IMMP2L: variants seen among roughly 807,000 people sequenced by gnomAD.
IMMP2L encodes the protein inner mitochondrial membrane peptidase subunit 2, also known as mitochondrial inner membrane protease subunit 2.
Under a neutral mutation model 19.3 loss-of-function variants are expected in IMMP2L, and 18 were observed. The ratio of observed to expected loss-of-function variants is 0.93; its 90% CI spans 0.64 to 1.38. The LOEUF is 1.38. Ranked by LOEUF, IMMP2L falls within the 40% of genes most tolerant of loss-of-function variation. IMMP2L has a pLI of 0.00. For synonymous variants in IMMP2L, 76 were observed against 73.0 expected, an observed-to-expected ratio of 1.04 and a Z score of -0.21; for missense variants, 233 against 218.2, an observed-to-expected ratio of 1.07 and a Z score of -0.43.
chr7:111,103,338 C>A (rs117388593), intron 3 of IMMP2L, among the ~76,000 whole-genome samples: 2,756 of 151,614 alleles, frequency 0.018, 32 homozygotes, highest in Middle Eastern at 0.041. Context: ...TGGATTTTTT[C>A]AAATATTTGC....
At chr7:111,192,122 A>C (rs1808949990) in intron 3 of IMMP2L, among the ~76,000 whole-genome samples, 2 of 152,086 alleles carry the variant, frequency 1.3e-5, no homozygotes, top group Non-Finnish European at 2.9e-5. Context: ...GGAAGAGAGA[A>C]TTTTCTCTCA....
intron 5 of IMMP2L, among the ~76,000 whole-genome samples, chr7:110,734,943 T>C (rs890915232): frequency 2.6e-5 from 4 of 152,162 alleles, no homozygotes; most frequent in African/African-American, 9.6e-5. Context: ...TGGCTAATAA[T>C]ATGTAAGCAG....
chr7:111,007,682 C>T (rs962509860), intron 3 of IMMP2L, among the ~76,000 whole-genome samples: 2 of 152,102 alleles, frequency 1.3e-5, no homozygotes, highest in Admixed American at 6.6e-5. Flanking sequence ...TGTATGTACA[C>T]ATATAGACAT....
intron 3 of IMMP2L, among the ~76,000 whole-genome samples, chr7:111,450,463 A>C (rs1347777043): frequency 6.6e-6 from 1 of 151,996 alleles, no homozygotes; most frequent in African/African-American, 2.4e-5. Context: ...TGGGGAAAGG[A>C]TTCCCTATTT....
intron 3 of IMMP2L, among the ~76,000 whole-genome samples, chr7:111,413,328 A>C (rs1178426803): frequency 6.6e-6 from 1 of 152,158 alleles, no homozygotes; most frequent in South Asian, 2.1e-4. Flanking sequence ...TAGAAAAGAA[A>C]AAAAGAAGAA....
At chr7:111,481,465 C>G (rs190330276) in intron 3 of IMMP2L, among the ~76,000 whole-genome samples, 5 of 152,222 alleles carry the variant, frequency 3.3e-5, no homozygotes, top group Non-Finnish European at 5.9e-5. Context: ...GTGTTCTCAT[C>G]TATAAAACCG....
At chr7:110,713,821 A>T (rs1416955250) in intron 5 of IMMP2L, among the ~76,000 whole-genome samples, 1 of 152,130 alleles carries the variant, frequency 6.6e-6, no homozygotes, top group Non-Finnish European at 1.5e-5. Context: ...GTCATTTATC[A>T]GTTCCAGGAG....
intron 5 of IMMP2L, among the ~76,000 whole-genome samples, chr7:110,884,569 T>A (rs1203350216): frequency 3.9e-5 from 6 of 151,954 alleles, no homozygotes; most frequent in Non-Finnish European, 8.8e-5. Context: ...CTCAAGAGGG[T>A]TAGCATAAAG....
chr7:111,549,093 A>T (rs1023458155), intron 1 of IMMP2L, among the ~76,000 whole-genome samples: 25 of 152,298 alleles, frequency 1.6e-4, no homozygotes, highest in African/African-American at 5.8e-4. Context: ...CAAAAAATAC[A>T]GTCATTTTTT....
chr7:111,310,033 A>C (rs904903375), intron 3 of IMMP2L, among the ~76,000 whole-genome samples: 2 of 151,992 alleles, frequency 1.3e-5, no homozygotes, highest in African/African-American at 2.4e-5. Context: ...TTAGGAGTTC[A>C]AGACCATCCT....
intron 3 of IMMP2L, among the ~76,000 whole-genome samples, chr7:111,334,264 G>T (rs1031945873): frequency 6.6e-6 from 1 of 151,076 alleles, no homozygotes; most frequent in African/African-American, 2.4e-5. Context: ...TCTACTCTCT[G>T]TGTTCTTGAC....
At position 111,337,793 on chromosome 7, in the gene IMMP2L, A is replaced by G. The variant is rs1276898634; in HGVS notation, c.239+149445T>C. On this transcript the variant is annotated intron_variant, in intron 3 of 5. Transcript: ENST00000405709. ...AGAGTGTCTTAGTTACCCAAGGCAA[A>G]CAGAAAAACTAAGTACCATACATTC... Among the ~76,000 whole-genome samples the G allele has an allele frequency of 2.0e-5, 3 of 152,158 alleles. No homozygotes were observed. In the East Asian group the frequency reaches 5.8e-4, roughly 29 times the overall value.
intron 3 of IMMP2L, among the ~76,000 whole-genome samples, chr7:111,030,898 A>G (rs879809212): frequency 0.21 from 5,785 of 26,936 alleles, 191 homozygotes; most frequent in African/African-American, 0.29. Context: ...ATATATATAT[A>G]TATATATATA....
intron 5 of IMMP2L, among the ~76,000 whole-genome samples, chr7:110,733,819 G>C (rs73714334): frequency 0.061 from 9,209 of 152,000 alleles, 302 homozygotes; most frequent in Middle Eastern, 0.082. Context: ...ATTATATGAG[G>C]GCAATGCATT....
At chr7:110,884,742 C>T (rs1039728151) in intron 5 of IMMP2L, among the ~76,000 whole-genome samples, 1 of 151,906 alleles carries the variant, frequency 6.6e-6, no homozygotes, top group Non-Finnish European at 1.5e-5. Context: ...TAAAACATTT[C>T]CAATCTGTTT....
chr7:111,336,852 TAGA>T (rs1826473191), intron 3 of IMMP2L, among the ~76,000 whole-genome samples: 1 of 151,604 alleles, frequency 6.6e-6, no homozygotes, highest in African/African-American at 2.4e-5. Context: ...TTTTTTTTTT[TAGA>T]ATTTTGGTAC....
intron 3 of IMMP2L, among the ~76,000 whole-genome samples, chr7:111,443,557 G>A (rs1406588793): frequency 6.6e-6 from 1 of 152,150 alleles, no homozygotes; most frequent in Non-Finnish European, 1.5e-5. Context: ...TAAATATGGG[G>A]ACATCCTAGT....
At chr7:111,491,610 T>C (rs113098990) in intron 2 of IMMP2L, among the ~76,000 whole-genome samples, 6 of 152,282 alleles carry the variant, frequency 3.9e-5, no homozygotes, top group African/African-American at 1.2e-4. Flanking sequence ...TACTGAGCCA[T>C]GGTGCTGAGG....
At chr7:111,357,213 C>G (rs146990707) in intron 3 of IMMP2L, among the ~76,000 whole-genome samples, 2 of 152,070 alleles carry the variant, frequency 1.3e-5, no homozygotes, top group Non-Finnish European at 2.9e-5. Flanking sequence ...CTTTTCAAAC[C>G]GTCAAGATAT....
Sources: gnomAD v4.1 joint callset for allele counts (sites outside exome capture counted in the v4.1 genomes callset) on GRCh38, gnomAD v4.1.1 for gene constraint, MANE v1.5 for transcripts, NCBI Gene and HGNC (gene_info 2026-07-23, HGNC 2026-07-21) for gene names.